FHIT: variants seen among roughly 807,000 people sequenced by gnomAD.
The protein encoded by FHIT is fragile histidine triad diadenosine triphosphatase.
Under a neutral mutation model 17.9 loss-of-function variants are expected in FHIT, and 19 were observed. That is an observed-to-expected ratio of 1.06 (90% CI 0.74 to 1.56). The LOEUF (loss-of-function observed/expected upper bound fraction) is 1.56. Among genes scored for constraint, FHIT ranks in the 40% most tolerant of loss-of-function variants. FHIT has a pLI of 0.00. For missense variants in FHIT, 248 were observed against 189.2 expected (o/e 1.31, Z -1.82); for synonymous variants, 81 against 69.7 (o/e 1.16, Z -0.81).
Position 60,444,857 on chromosome 3 carries a change from T to TA in FHIT, c.103+92002dup, listed in dbSNP as rs1285685610. ...CTTAAAGTATAATAAAAAAAAATTT[T>TA]AAAAAAAAAGAAAGAAAAGAAAAAC... On this transcript the variant is annotated intron_variant, in intron 5 of 9. Coordinates refer to ENST00000492590, the MANE Select transcript of FHIT (RefSeq NM_002012.4). Among the ~76,000 whole-genome samples the TA allele has an allele frequency of 7.9e-5, 12 of 151,502 alleles. No homozygotes were observed. In the South Asian group the frequency reaches 1.0e-3, roughly 13 times the overall value.
intron 7 of FHIT, among the ~76,000 whole-genome samples, chr3:59,943,377 A>C (rs1255501758): frequency 2.0e-5 from 3 of 152,118 alleles, no homozygotes; most frequent in Non-Finnish European, 4.4e-5. Context: ...TCAGCAACGA[A>C]ATTGGAGGAG....
At chr3:60,155,379 T>C (rs889937860) in intron 5 of FHIT, among the ~76,000 whole-genome samples, 2 of 152,104 alleles carry the variant, frequency 1.3e-5, no homozygotes, top group Non-Finnish European at 2.9e-5. Context: ...AACAGGACAC[T>C]ATTCCCACCC....
chr3:61,087,375 C>T (rs2035338489), intron 2 of FHIT, among the ~76,000 whole-genome samples: 1 of 152,076 alleles, frequency 6.6e-6, no homozygotes, highest in Admixed American at 6.6e-5. Context: ...TATAATCTTT[C>T]TCTGGAGTGT....
chr3:60,322,694 A>T (rs1203401426), intron 5 of FHIT, among the ~76,000 whole-genome samples: 2 of 152,224 alleles, frequency 1.3e-5, no homozygotes, highest in Non-Finnish European at 2.9e-5. Flanking sequence ...AAAGATTAAT[A>T]AGTACAATCG....
intron 2 of FHIT, among the ~76,000 whole-genome samples, chr3:61,076,580 A>C (rs754617225): frequency 6.6e-6 from 1 of 152,208 alleles, no homozygotes; most frequent in Non-Finnish European, 1.5e-5. Flanking sequence ...AGTCTGTTGA[A>C]AAGAATACAA....
intron 5 of FHIT, among the ~76,000 whole-genome samples, chr3:60,285,541 CT>C (rs1313710707): frequency 6.6e-6 from 1 of 152,136 alleles, no homozygotes; most frequent in African/African-American, 2.4e-5. Flanking sequence ...ACTACAGTCC[CT>C]CCCCACTTGT....
At chr3:59,964,908 C>T (rs188966042) in intron 7 of FHIT, among the ~76,000 whole-genome samples, 16 of 152,102 alleles carry the variant, frequency 1.1e-4, no homozygotes, top group Admixed American at 8.5e-4. Flanking sequence ...TGATATCCAT[C>T]GGGCCATAAA....
At chr3:60,733,243 CAACTAGG>C (rs1299128741) in intron 4 of FHIT, among the ~76,000 whole-genome samples, 6 of 152,126 alleles carry the variant, frequency 3.9e-5, no homozygotes, top group Non-Finnish European at 8.8e-5. Context: ...CATTTCTTGC[CAACTAGG>C]AATTCAGGCA....
intron 7 of FHIT, among the ~76,000 whole-genome samples, chr3:59,964,198 G>T (rs529761269): frequency 3.9e-5 from 6 of 152,008 alleles, no homozygotes; most frequent in East Asian, 1.9e-4. Context: ...CAGGGTAAAG[G>T]CTCAAATATA....
At chr3:60,799,606 T>C (rs1701113586) in intron 4 of FHIT, among the ~76,000 whole-genome samples, 1 of 152,260 alleles carries the variant, frequency 6.6e-6, no homozygotes, top group Non-Finnish European at 1.5e-5. Flanking sequence ...TATTGAGGCA[T>C]TTCTTGCCTC....
chr3:59,986,240 T>A (rs1399843063), intron 7 of FHIT, among the ~76,000 whole-genome samples: 1 of 151,690 alleles, frequency 6.6e-6, no homozygotes, highest in Non-Finnish European at 1.5e-5. Flanking sequence ...CCCACATCCT[T>A]AAGATAACTG....
intron 4 of FHIT, among the ~76,000 whole-genome samples, chr3:60,736,236 T>C (rs1577138466): frequency 6.6e-6 from 1 of 152,136 alleles, no homozygotes; most frequent in Non-Finnish European, 1.5e-5. Context: ...GGCAGTTCCT[T>C]AAAAAGTTAA....
Position 60,536,931 on chromosome 3 carries a change from T to C in FHIT, c.32A>G (p.Lys11Arg), listed in dbSNP as rs770833079. The C allele has an allele frequency of 1.2e-6, 2 of 1,612,896 alleles. No individual in the cohort carries two copies. Among genetic ancestry groups the C allele is most frequent in the Non-Finnish European group, 1.7e-6 (2 of 1,179,468 alleles). MSFRFGQHLIKPSVVFLKTEL... is the reference protein window; with the variant it reads MSFRFGQHLIRPSVVFLKTEL... The stretch of plus-strand genomic sequence containing the variant: ...TGTTTTGAGAAACACTACAGAGGGC[T>C]TGATGAGATGTTGGCCAAATCTGAA... The change falls in exon 5 of 10, where the codon AAG (lysine) becomes AGG (arginine). Residue 11 changes from lysine to arginine, a missense_variant. Transcript: ENST00000492590.
rs149298496 is a variant in FHIT at position 60,122,552 on chromosome 3, T to A, written c.104-108400A>T. Among the ~76,000 whole-genome samples, 1,179 of 151,872 alleles carry A rather than the reference T, an allele frequency of 7.8e-3. 12 individuals are homozygous for A. The highest frequency in any genetic ancestry group is 0.026 in the African/African-American group (1,077 of 41,394). ...TCTAGCCACAAGAACAGAGGAGGGG[T>A]TTAAACCTCTAAGAGATCATTTTAT... On this transcript the variant is annotated intron_variant, in intron 5 of 9. Coordinates refer to ENST00000492590, the MANE Select transcript of FHIT (RefSeq NM_002012.4).
At position 61,230,246 on chromosome 3, in the gene FHIT, G is replaced by A. The variant is rs138169896; in HGVS notation, c.-213+21055C>T. ...GCCTAGTGAGAGGTAATTGGATGAT[G>A]GGGGTGGATTTTTCATGAATGGTTT... On this transcript the variant is annotated intron_variant, in intron 1 of 9. Transcript: ENST00000492590. Among the ~76,000 whole-genome samples the A allele has an allele frequency of 5.1e-3, 771 of 152,264 alleles. 9 individuals carry two copies. Among genetic ancestry groups the A allele is most frequent in the African/African-American group, 0.018 (740 of 41,556 alleles).
At chr3:60,085,871 G>A (rs925620890) in intron 5 of FHIT, among the ~76,000 whole-genome samples, 2 of 152,220 alleles carry the variant, frequency 1.3e-5, no homozygotes, top group African/African-American at 4.8e-5. Flanking sequence ...CTCACACACA[G>A]TCAGTGTCAT....
At chr3:60,889,659 AC>A (rs1172235003) in intron 3 of FHIT, among the ~76,000 whole-genome samples, 2 of 152,192 alleles carry the variant, frequency 1.3e-5, no homozygotes, top group African/African-American at 2.4e-5. Flanking sequence ...ACAGTGTAGT[AC>A]CCTATAGCTG....
intron 8 of FHIT, among the ~76,000 whole-genome samples, chr3:59,835,008 C>T (rs1320190892): frequency 3.9e-5 from 6 of 152,060 alleles, no homozygotes; most frequent in Admixed American, 3.3e-4. Context: ...CTTGATTGAC[C>T]TGATTTTATG....
intron 4 of FHIT, among the ~76,000 whole-genome samples, chr3:60,567,945 AAGTC>A (rs1396306977): frequency 1.3e-5 from 2 of 152,238 alleles, no homozygotes; most frequent in African/African-American, 4.8e-5. Flanking sequence ...AATCATTAAA[AAGTC>A]AGGAAACAAC....
Sources: gnomAD v4.1 joint callset for allele counts (sites outside exome capture counted in the v4.1 genomes callset) on GRCh38, gnomAD v4.1.1 for gene constraint, MANE v1.5 for transcripts, NCBI Gene and HGNC (gene_info 2026-07-23, HGNC 2026-07-21) for gene names.